Variants in LEPR observed in about 807,000 individuals in gnomAD.
LEPR encodes the protein leptin receptor.
In LEPR, 56 loss-of-function variants were observed where a neutral mutation model predicts 114.7. The observed-to-expected ratio is 0.49, with a 90% CI of 0.39 to 0.61. The LOEUF (loss-of-function observed/expected upper bound fraction) is 0.61, where lower values mean the gene tolerates loss of function less well. LEPR is among the 20% of genes least tolerant of loss of function. The probability of loss-of-function intolerance (pLI) is 0.00; values close to 1 mark genes in which losing one functional copy is unlikely to be tolerated. For missense variants in LEPR, 1,202 were observed against 1,352.9 expected, an observed-to-expected ratio of 0.89 and a Z score of 1.75; for synonymous variants, 443 against 461.4, an observed-to-expected ratio of 0.96 and a Z score of 0.51.
intron 5 of LEPR, among the ~76,000 whole-genome samples, chr1:65,585,116 C>T (rs1312687631): frequency 6.6e-6 from 1 of 151,948 alleles, no homozygotes; most frequent in Non-Finnish European, 1.5e-5. Flanking sequence ...TATGATGAGT[C>T]TAGTCTGGGA....
intron 2 of LEPR, among the ~76,000 whole-genome samples, chr1:65,547,582 A>G (rs1418988163): frequency 2.0e-5 from 3 of 151,490 alleles, no homozygotes; most frequent in Non-Finnish European, 1.5e-5. Context: ...TAGATTTTCT[A>G]GTTTATTTGC....
intron 2 of LEPR, among the ~76,000 whole-genome samples, chr1:65,441,606 A>G (rs1646650263): frequency 6.6e-6 from 1 of 152,214 alleles, no homozygotes; most frequent in Non-Finnish European, 1.5e-5. Flanking sequence ...ATGGCCCACG[A>G]CAGGGAAGGG....
At position 65,633,832 on chromosome 1, in the gene LEPR, G is replaced by A. The variant is rs1044441528; in HGVS notation, c.2674-2359G>A. The A allele has an allele frequency of 4.0e-5, 39 of 985,610 alleles. No homozygotes were observed. Among genetic ancestry groups the A allele is most frequent in the African/African-American group, 7.0e-5 (4 of 57,342 alleles). The allele number at this position is 985,610 out of a possible 1,614,324, so 61.1% of individuals were successfully genotyped here. On this transcript the variant is annotated intron_variant, in intron 19 of 19. Coordinates refer to ENST00000349533, the MANE Select transcript of LEPR (RefSeq NM_002303.6). This position sits in a 1 kb window ranked among gnomAD's most constrained non-coding sequence, Gnocchi z 4.1. Reference sequence around the variant, plus strand: ...TTCCGTTTCAGTTAAAAGGAAGCCCGAAGTTGTGTTTGTGCTGCCCACAGG... The same window carrying A: ...TTCCGTTTCAGTTAAAAGGAAGCCCAAAGTTGTGTTTGTGCTGCCCACAGG...
At chr1:65,462,843 GTTGT>G (rs1295859187) in intron 2 of LEPR, among the ~76,000 whole-genome samples, 8 of 152,072 alleles carry the variant, frequency 5.3e-5, no homozygotes, top group African/African-American at 1.4e-4. Context: ...TTTTGATGGG[GTTGT>G]TTGTTTTTTT....
chr1:65,549,650 G>A (rs1280024582), intron 2 of LEPR, among the ~76,000 whole-genome samples: 1 of 152,214 alleles, frequency 6.6e-6, no homozygotes, highest in East Asian at 1.9e-4. Flanking sequence ...TCGAGCCTTG[G>A]CTTTCAGCTC....
At chr1:65,619,521 CTAAG>C (rs1048806772) in intron 16 of LEPR, among the ~76,000 whole-genome samples, 3 of 152,042 alleles carry the variant, frequency 2.0e-5, no homozygotes, top group Non-Finnish European at 4.4e-5. Flanking sequence ...AATGGGGAAA[CTAAG>C]TAAGCTGAAT....
At chr1:65,474,509 A>G (rs1220734748) in intron 2 of LEPR, among the ~76,000 whole-genome samples, 3 of 152,214 alleles carry the variant, frequency 2.0e-5, no homozygotes, top group African/African-American at 7.2e-5. Flanking sequence ...CTAAACAACT[A>G]AACATTAGCA....
At chr1:65,453,745 A>C (rs1646822941) in intron 2 of LEPR, among the ~76,000 whole-genome samples, 1 of 152,178 alleles carries the variant, frequency 6.6e-6, no homozygotes, top group Non-Finnish European at 1.5e-5. Context: ...GCTGAAAAAA[A>C]ATGTATATTC....
chr1:65,632,449 G>A (rs893310966), intron 19 of LEPR, among the ~76,000 whole-genome samples: 2 of 152,168 alleles, frequency 1.3e-5, no homozygotes, highest in Non-Finnish European at 2.9e-5. Flanking sequence ...GTCACAGCGA[G>A]TAGTAAAAGG....
At position 65,640,753 on chromosome 1, in the gene LEPR, G is replaced by T. The variant is rs527969223; in HGVS notation, c.*3738G>T. The T allele has an allele frequency of 2.1e-5, 3 of 143,678 alleles. No individual in the cohort carries two copies. Among genetic ancestry groups the T allele is most frequent in the South Asian group, 2.2e-4 (1 of 4,448 alleles). 8.9% of individuals were successfully genotyped at this position (143,678 alleles called of 1,614,324 possible). A position where few individuals can be genotyped will look rare whatever the true frequency, so the allele number is the denominator to read the frequency against. On this transcript the variant is annotated 3_prime_UTR_variant, in exon 20 of 20. Coordinates refer to ENST00000349533, the MANE Select transcript of LEPR (RefSeq NM_002303.6). ...TGTATTTGTATAAACATTAGGAGATGATTTCCATGGCTTTTTTTTTTTTTT... is the reference window on the plus strand; with the variant it reads ...TGTATTTGTATAAACATTAGGAGATTATTTCCATGGCTTTTTTTTTTTTTT...
intron 2 of LEPR, among the ~76,000 whole-genome samples, chr1:65,546,551 T>G (rs534013409): frequency 3.3e-4 from 50 of 152,330 alleles, no homozygotes; most frequent in African/African-American, 1.2e-3. Flanking sequence ...TTCCTAAGTA[T>G]TTTATTCTCT....
chr1:65,456,648 A>T (rs976905341), intron 2 of LEPR, among the ~76,000 whole-genome samples: 5 of 152,138 alleles, frequency 3.3e-5, no homozygotes, highest in Non-Finnish European at 7.4e-5. Flanking sequence ...TCTTTTGATT[A>T]GTGTTAGTAT....
Position 65,570,470 on chromosome 1 carries a change from CAG to C in LEPR, c.41-1_41del. 1 of 1,612,542 alleles carries C rather than the reference CAG, an allele frequency of 6.2e-7. No individual in the cohort carries two copies. On this transcript the variant is annotated splice_acceptor_variant, in intron 3 of 19. Transcript: ENST00000349533. LOFTEE classifies it high-confidence loss of function. The stretch of plus-strand genomic sequence containing the variant: ...TCTATGTGTCTTTTTAATATCCTAA[CAG>C]AATTTATTTATGTGATAACTGCGTT...
In LEPR at chr1:65,620,129, G is replaced by C; in HGVS notation, c.2491+106G>C. The C allele has an allele frequency of 3.4e-6, 3 of 891,018 alleles. No individual in the cohort carries two copies. The South Asian group carries it at 4.5e-5, about 13-fold the overall frequency. 55.2% of individuals were successfully genotyped at this position (891,018 alleles called of 1,614,324 possible). On this transcript the variant is annotated intron_variant, in intron 17 of 19. Coordinates refer to ENST00000349533, the MANE Select transcript of LEPR (RefSeq NM_002303.6). ...CTTTTTCTGATAGAATCATGGAAGA[G>C]TCCAAAGTCTTCTGTAGATTTTTCA...
intron 6 of LEPR, among the ~76,000 whole-genome samples, chr1:65,595,763 A>T (rs1434784729): frequency 2.6e-5 from 4 of 152,142 alleles, no homozygotes; most frequent in African/African-American, 9.7e-5. Flanking sequence ...CAAACAAGAA[A>T]ATGCATCGAT....
Position 65,637,010 on chromosome 1 carries a change from G to C in LEPR, c.3493G>C (p.Val1165Leu). The C allele has an allele frequency of 6.2e-7, 1 of 1,613,120 alleles. No homozygotes were observed. Among genetic ancestry groups the C allele is most frequent in the South Asian group, 1.1e-5 (1 of 91,042 alleles). Residue 1165 changes from valine (V) to leucine (L), a missense_variant, in exon 20 of 20, where the codon GTG becomes CTG. Val to Leu is a conservative substitution (Grantham distance 32). Transcript: ENST00000349533. ...IMENKMCDLT[V>L] ...GGAAAACAAGATGTGTGACCTAACT[G>C]TGTAATTTCACTGAAGAAACCTTCA...
intron 2 of LEPR, among the ~76,000 whole-genome samples, chr1:65,451,628 C>T (rs1557598353): frequency 2.6e-5 from 4 of 152,076 alleles, no homozygotes; most frequent in African/African-American, 7.2e-5. Context: ...TTCTGTTCCA[C>T]TGATCTATAT....
At chr1:65,443,559 G>T (rs1263522264) in intron 2 of LEPR, among the ~76,000 whole-genome samples, 1 of 151,764 alleles carries the variant, frequency 6.6e-6, no homozygotes, top group East Asian at 1.9e-4. Flanking sequence ...TATATAAAAA[G>T]ATATACTATA....
chr1:65,533,098 A>C (rs1283718240), intron 2 of LEPR, among the ~76,000 whole-genome samples: 1 of 152,200 alleles, frequency 6.6e-6, no homozygotes, highest in Non-Finnish European at 1.5e-5. Flanking sequence ...TGCATCATTT[A>C]AAATGATTCC....
Sources: gnomAD v4.1 joint callset for allele counts (sites outside exome capture counted in the v4.1 genomes callset) on GRCh38, gnomAD v4.1.1 for gene constraint, Gnocchi (gnomAD v3.1) non-coding constraint, MANE v1.5 for transcripts, NCBI Gene and HGNC (gene_info 2026-07-23, HGNC 2026-07-21) for gene names.